Variants in IL15RA observed in about 807,000 individuals in gnomAD.
IL15RA encodes interleukin 15 receptor subunit alpha, also known as interleukin-15 receptor subunit alpha.
Under a neutral mutation model 24.2 loss-of-function variants are expected in IL15RA, and 26 were observed. The observed-to-expected ratio is 1.07, with a 90% CI of 0.79 to 1.49. IL15RA has a LOEUF of 1.49. Among genes scored for constraint, IL15RA ranks in the 40% most tolerant of loss-of-function variants. The pLI is 0.00. For missense variants in IL15RA, 354 were observed against 356.4 expected (o/e 0.99, Z 0.05); for synonymous variants, 166 against 157.6 (o/e 1.05, Z -0.40).
At chr10:5,977,562 G>A (rs977224172), upstream of IL15RA, 27 of 1,271,324 alleles carry the variant, frequency 2.1e-5, no homozygotes, top group African/African-American at 2.5e-4. Flanking sequence ...GAGGTGGCGA[G>A]CGCTGCTCTG....
rs1834014302 is a variant in IL15RA at position 5,952,990 on chromosome 10, A to G, written c.*105T>C. The G allele has an allele frequency of 4.8e-6, 4 of 825,486 alleles. No homozygotes were observed. The highest frequency in any genetic ancestry group is 8.1e-6 in the Non-Finnish European group (4 of 493,522). The allele number at this position is 825,486 out of a possible 1,614,324, so 51.1% of individuals were successfully genotyped here. On this transcript the variant is annotated 3_prime_UTR_variant, in exon 7 of 7. Coordinates refer to ENST00000379977, the MANE Select transcript of IL15RA (RefSeq NM_002189.4). ...GCTGGGACTTCTGAGAGGCCTGGTG[A>G]GCTTGCTCCTGGAGCCCGCTTCCTT... is the stretch of plus-strand genomic sequence containing the variant.
rs1176824413 is a variant in IL15RA at position 5,970,717 on chromosome 10, GATTTTATTTTATTTCATTATT to G, written c.89-4399_89-4379del. Among the ~76,000 whole-genome samples, 1 of 148,802 alleles carries G rather than the reference GATTTTATTTTATTTCATTATT, an allele frequency of 6.7e-6. No homozygotes were observed. The highest frequency in any genetic ancestry group is 1.5e-5 in the Non-Finnish European group (1 of 67,616). On this transcript the variant is annotated intron_variant, in intron 1 of 6. Transcript: ENST00000379977. This position sits in a 1 kb window ranked among gnomAD's most constrained non-coding sequence, Gnocchi z 4.1. Reference sequence around the variant, plus strand: ...CATTTTATTATTTTATTTTTAAAATGATTTTATTTTATTTCATTATTATTTTATTTTATTTTATTTTATTTT... The same window carrying G: ...CATTTTATTATTTTATTTTTAAAATGATTTTATTTTATTTTATTTTATTTT...
In IL15RA at chr10:5,966,110, G is replaced by A. The variant is rs1350135976; in HGVS notation, c.283+35C>T. On this transcript the variant is annotated intron_variant, in intron 2 of 6. Transcript: ENST00000379977. This position sits in a 1 kb window ranked among gnomAD's most constrained non-coding sequence, Gnocchi z 6.4. ...CTCTGTGCAGCCTTGGCAGGGTGGG[G>A]GAGGGAGGAAGGTGGGGTGGCAAGG... is the stretch of plus-strand genomic sequence containing the variant. The A allele has an allele frequency of 1.4e-6, 2 of 1,457,346 alleles. No individual in the cohort carries two copies. The highest frequency in any genetic ancestry group is 1.9e-6 in the Non-Finnish European group (2 of 1,042,584). 90.3% of individuals were successfully genotyped at this position (1,457,346 alleles called of 1,614,324 possible).
intron 1 of IL15RA, among the ~76,000 whole-genome samples, chr10:5,974,936 A>G (rs1452918232): frequency 6.6e-6 from 1 of 151,920 alleles, no homozygotes; most frequent in Admixed American, 6.6e-5. Context: ...ATTAAAAATT[A>G]AACACCTGAG....
downstream of IL15RA, among the ~76,000 whole-genome samples, chr10:5,949,908 C>T (rs1833757560): frequency 6.6e-6 from 1 of 152,034 alleles, no homozygotes; most frequent in Admixed American, 6.6e-5. The surrounding 1 kb of genome is among the most constrained non-coding windows in gnomAD (Gnocchi z 4.4). Flanking sequence ...CCAGCCTGGC[C>T]AACATGGTGA....
chr10:5,952,942 G>C lies in IL15RA; in HGVS notation c.*153C>G. ...CCTGCTCCCTCGCGCAGGAGGCGCC[G>C]ACCCGGCAGTCCGTGAGATCCTGCT... On this transcript the variant is annotated 3_prime_UTR_variant, in exon 7 of 7. Coordinates refer to ENST00000379977, the MANE Select transcript of IL15RA (RefSeq NM_002189.4). 1 of 652,356 alleles carries C rather than the reference G, an allele frequency of 1.5e-6. No individual in the cohort carries two copies. Among genetic ancestry groups the C allele is most frequent in the Non-Finnish European group, 2.7e-6 (1 of 365,636 alleles). 40.4% of individuals were successfully genotyped at this position (652,356 alleles called of 1,614,324 possible).
rs192992759 is a variant in IL15RA at position 5,967,492 on chromosome 10, C to T, written c.89-1153G>A. 7.1e-4 allele frequency among the ~76,000 whole-genome samples: 108 copies of T among 152,334 alleles called. No individual in the cohort carries two copies. The highest frequency in any genetic ancestry group is 3.4e-3 in the Middle Eastern group (1 of 294). ...TGTTGGGATTACAGGTGTGAGCCAC[C>T]GCACCCGGCCAAGATCAGATCATTC... On this transcript the variant is annotated intron_variant, in intron 1 of 6. Coordinates refer to ENST00000379977, the MANE Select transcript of IL15RA (RefSeq NM_002189.4). This position sits in a 1 kb window ranked among gnomAD's most constrained non-coding sequence, Gnocchi z 4.4.
In IL15RA at chr10:5,966,394, G is replaced by A. The variant is rs1040857679; in HGVS notation, c.89-55C>T. On this transcript the variant is annotated intron_variant, in intron 1 of 6. Transcript: ENST00000379977. This position sits in a 1 kb window ranked among gnomAD's most constrained non-coding sequence, Gnocchi z 6.4. ...GAAGAGGTTTCCACTTGTAAGAGGCGTTCTCCAGGCACACGCAGCGGTAGT... is the reference window on the plus strand; with the variant it reads ...GAAGAGGTTTCCACTTGTAAGAGGCATTCTCCAGGCACACGCAGCGGTAGT... The A allele has an allele frequency of 5.6e-5, 82 of 1,458,280 alleles. No homozygotes were observed. The highest frequency in any genetic ancestry group is 2.1e-4 in the Admixed American group (12 of 58,414). The allele number at this position is 1,458,280 out of a possible 1,614,324, so 90.3% of individuals were successfully genotyped here.
At position 5,971,560 on chromosome 10, in the gene IL15RA, C is replaced by A. The variant is rs1308254458; in HGVS notation, c.89-5221G>T. ...CAGAGTCAGAATGGACTCCAACATT[C>A]CCCTCGCTTACAGCACCTTTCAAAT... On this transcript the variant is annotated intron_variant, in intron 1 of 6. Coordinates refer to ENST00000379977, the MANE Select transcript of IL15RA (RefSeq NM_002189.4). This position sits in a 1 kb window ranked among gnomAD's most constrained non-coding sequence, Gnocchi z 5.5. Among the ~76,000 whole-genome samples the A allele has an allele frequency of 6.6e-6, 1 of 152,202 alleles. No homozygotes were observed. Among genetic ancestry groups the A allele is most frequent in the Non-Finnish European group, 1.5e-5 (1 of 68,034 alleles).
downstream of IL15RA, among the ~76,000 whole-genome samples, chr10:5,949,605 G>C (rs1428064378): frequency 6.6e-6 from 1 of 152,150 alleles, no homozygotes; most frequent in South Asian, 2.1e-4. The surrounding 1 kb of genome is among the most constrained non-coding windows in gnomAD (Gnocchi z 4.4). Context: ...TGGGGAACAG[G>C]GGGGTGAGCA....
downstream of IL15RA, among the ~76,000 whole-genome samples, chr10:5,951,717 A>G (rs915290657): frequency 6.6e-6 from 1 of 152,118 alleles, no homozygotes; most frequent in African/African-American, 2.4e-5. Flanking sequence ...AGTTCCAGCT[A>G]CTTGGGAGGC....
At chr10:5,969,932 C>T (rs1169298789) in intron 1 of IL15RA, among the ~76,000 whole-genome samples, 2 of 152,158 alleles carry the variant, frequency 1.3e-5, no homozygotes, top group East Asian at 1.9e-4. Context: ...TTTTATGTCA[C>T]TGCAAATGGT....
Position 5,964,219 on chromosome 10 carries a change from T to C in IL15RA, c.284-378A>G, listed in dbSNP as rs910111106. Among the ~76,000 whole-genome samples, 6 of 152,108 alleles carry C rather than the reference T, an allele frequency of 3.9e-5. No individual in the cohort carries two copies. The highest frequency in any genetic ancestry group is 1.2e-4 in the African/African-American group (5 of 41,424). ...CGTTGCCCAGGTTGGAGTGCAGTAG[T>C]GTGATCACAACTCACTGCAGCCTTG... On this transcript the variant is annotated intron_variant, in intron 2 of 6. Transcript: ENST00000379977. This position sits in a 1 kb window ranked among gnomAD's most constrained non-coding sequence, Gnocchi z 5.6.
downstream of IL15RA, chr10:5,949,451 A>AG (rs1270817367): frequency 2.2e-6 from 1 of 457,524 alleles, no homozygotes; most frequent in Non-Finnish European, 4.5e-6. This position sits in a 1 kb window ranked among gnomAD's most constrained non-coding sequence, Gnocchi z 4.4. Context: ...GAGGTGGGGG[A>AG]GGCTGTGATT....
rs1837420783 is a variant in IL15RA, at chr10:5,970,647, T to A, written c.89-4308A>T. Among the ~76,000 whole-genome samples, 3 of 152,208 alleles carry A rather than the reference T, an allele frequency of 2.0e-5. No individual in the cohort carries two copies. In the South Asian group the frequency reaches 6.2e-4, roughly 32 times the overall value. ...GTGGCCAGTTACTTACTTTATAAAG[T>A]TGGACTGTCTCATAACTATATTGGT... On this transcript the variant is annotated intron_variant, in intron 1 of 6. Coordinates refer to ENST00000379977, the MANE Select transcript of IL15RA (RefSeq NM_002189.4). The surrounding 1 kb of genome is among the most constrained non-coding windows in gnomAD (Gnocchi z 4.1).
Position 5,966,380 on chromosome 10 carries a change from C to T in IL15RA, c.89-41G>A. On this transcript the variant is annotated intron_variant, in intron 1 of 6. Transcript: ENST00000379977. The surrounding 1 kb of genome is among the most constrained non-coding windows in gnomAD (Gnocchi z 6.4). Reference sequence around the variant, plus strand: ...GGACAGGGGACGGTGAAGAGGTTTCCACTTGTAAGAGGCGTTCTCCAGGCA... The same window carrying T: ...GGACAGGGGACGGTGAAGAGGTTTCTACTTGTAAGAGGCGTTCTCCAGGCA... 1 of 1,552,472 alleles carries T rather than the reference C, an allele frequency of 6.4e-7. No individual in the cohort carries two copies. Among genetic ancestry groups the T allele is most frequent in the Non-Finnish European group, 8.9e-7 (1 of 1,128,422 alleles).
Position 5,959,518 on chromosome 10 carries a change from C to T in IL15RA, c.616+236G>A, listed in dbSNP as rs555390840. On this transcript the variant is annotated intron_variant, in intron 5 of 6. Coordinates refer to ENST00000379977, the MANE Select transcript of IL15RA (RefSeq NM_002189.4). This position sits in a 1 kb window ranked among gnomAD's most constrained non-coding sequence, Gnocchi z 4.1. The stretch of plus-strand genomic sequence containing the variant: ...ATTTGGGGTGCCAGCTCTCTGGGTT[C>T]AACCCCAGTAGCCTGACAGCTAGAA... 6.6e-6 allele frequency among the ~76,000 whole-genome samples: 1 copy of T among 152,346 alleles called. No individual in the cohort carries two copies. The highest frequency in any genetic ancestry group is 2.1e-4 in the South Asian group (1 of 4,832).
rs756392947 is a variant in IL15RA at position 5,953,108 on chromosome 10, G to A, written c.791C>T (p.Ser264Phe). The A allele has an allele frequency of 1.2e-6, 2 of 1,612,718 alleles. No individual in the cohort carries two copies. The highest frequency in any genetic ancestry group is 1.7e-6 in the Non-Finnish European group (2 of 1,178,638). ...TTTCCCCGAGTTTCATAGGTGGTGA[G>A]AGCAGTTTTCCAAGTCTTCATCTCT... ...SSRDEDLENC[S>F]HHL The change falls in exon 7 of 7, where the codon TCT becomes TTT. Residue 264 changes from serine to phenylalanine, a missense_variant. By Grantham distance (155) the Ser-to-Phe change is radical. Coordinates refer to ENST00000379977, the MANE Select transcript of IL15RA (RefSeq NM_002189.4). The surrounding 1 kb of genome is among the most constrained non-coding windows in gnomAD (Gnocchi z 5.3).
chr10:5,951,592 G>A (rs548735501), downstream of IL15RA, among the ~76,000 whole-genome samples: 6 of 152,322 alleles, frequency 3.9e-5, no homozygotes, highest in East Asian at 1.9e-4. Context: ...TTAGGAGGCC[G>A]AGGTGAGTGA....
Sources: allele counts gnomAD v4.1 joint callset (sites outside exome capture counted in the v4.1 genomes callset), GRCh38; gene constraint gnomAD v4.1.1; non-coding constraint Gnocchi (gnomAD v3.1); transcripts MANE v1.5; gene names NCBI Gene and HGNC (gene_info 2026-07-23, HGNC 2026-07-21).